NUP54: variants seen among roughly 807,000 people sequenced by gnomAD.
The protein encoded by NUP54 is nucleoporin p54.
Under a neutral mutation model 66.4 loss-of-function variants are expected in NUP54, and 27 were observed. The ratio of observed to expected loss-of-function variants is 0.41; its 90% CI spans 0.30 to 0.56. NUP54 has a LOEUF of 0.56. Among genes scored for constraint, NUP54 ranks in the 20% least tolerant of loss-of-function variants. The probability of loss-of-function intolerance (pLI) is 0.34; values close to 1 mark genes in which losing one functional copy is unlikely to be tolerated. For synonymous variants in NUP54, 206 were observed against 210.7 expected (o/e 0.98, Z 0.19); for missense variants, 486 against 596.3 (o/e 0.82, Z 1.93).
chr4:76,142,623 GAATAAGTT>G (rs112449400), intron 3 of NUP54, among the ~76,000 whole-genome samples: 14 of 152,266 alleles, frequency 9.2e-5, no homozygotes, highest in African/African-American at 3.4e-4. Context: ...GTTCTTGTGA[GAATAAGTT>G]AATCCATACA....
chr4:76,143,796 G>A (rs942747334), intron 3 of NUP54, among the ~76,000 whole-genome samples: 2 of 152,156 alleles, frequency 1.3e-5, no homozygotes, highest in African/African-American at 4.8e-5. Context: ...CTTCTGAACT[G>A]GCTGGCCAGG....
intron 9 of NUP54, 142 bp from the exon 10 acceptor site, chr4:76,118,336 TTCTG>T (rs1730049946): frequency 5.5e-6 from 4 of 722,726 alleles, no homozygotes; most frequent in South Asian, 5.4e-5. Context: ...TGAATTATGT[TTCTG>T]TCCATTTTAA....
chr4:76,128,985 C>G (rs58728245), intron 8 of NUP54, among the ~76,000 whole-genome samples: 20,019 of 152,120 alleles, frequency 0.13, 1,543 homozygotes, highest in East Asian at 0.35. Context: ...AAAAGTACAG[C>G]TGGATAGGAG....
At chr4:76,119,928 TATCA>T (rs1444426449) in intron 9 of NUP54, among the ~76,000 whole-genome samples, 6 of 152,116 alleles carry the variant, frequency 3.9e-5, no homozygotes, top group Admixed American at 6.5e-5. Context: ...AAAATTTTAT[TATCA>T]ATATTAACCA....
rs1056566872 is a variant in NUP54, at chr4:76,147,448, A to G, written c.67+860T>C. On this transcript the variant is annotated intron_variant, in intron 1 of 11. Coordinates refer to ENST00000264883, the MANE Select transcript of NUP54 (RefSeq NM_017426.4). ...ATATTCTTGGACTCCAGCTCCCAAC[A>G]CTGGTTACACATACAACCCGCAGTA... 4 of 1,279,720 alleles carry G rather than the reference A, an allele frequency of 3.1e-6. No homozygotes were observed. The African/African-American group carries it at 6.1e-5, about 19-fold the overall frequency. The allele number at this position is 1,279,720 out of a possible 1,614,324, so 79.3% of individuals were successfully genotyped here.
chr4:76,132,222 T>G (rs113876697), intron 6 of NUP54: 15 of 188,604 alleles, frequency 8.0e-5, no homozygotes, highest in African/African-American at 3.3e-4. Flanking sequence ...TAAAATGAGA[T>G]AAGCTAGAAA....
intron 1 of NUP54, chr4:76,147,791 G>A (rs959928821): frequency 2.2e-6 from 1 of 463,940 alleles, no homozygotes; most frequent in East Asian, 7.1e-5. Context: ...AAAGCAGAGT[G>A]GGGGTGGGGT....
At chr4:76,132,782 C>T (rs1335112867) in intron 5 of NUP54, 63 bp from the exon 6 acceptor site, 1 of 1,171,998 alleles carries the variant, frequency 8.5e-7, no homozygotes, top group Non-Finnish European at 1.2e-6. Flanking sequence ...CAAACCTCAG[C>T]ATATCATAGC....
In NUP54 at chr4:76,124,630, GGA is replaced by G. The variant is rs1730380644; in HGVS notation, c.1164+17_1164+18del. The G allele has an allele frequency of 1.7e-6, 2 of 1,200,440 alleles. No individual in the cohort carries two copies. The highest frequency in any genetic ancestry group is 2.5e-5 in the South Asian group (2 of 80,032). 74.4% of individuals were successfully genotyped at this position (1,200,440 alleles called of 1,614,324 possible). On this transcript the variant is annotated intron_variant, in intron 9 of 11. Coordinates refer to ENST00000264883, the MANE Select transcript of NUP54 (RefSeq NM_017426.4). ...CACATAGTCTTATAAACACTGGGGG[GGA>G]AAATCCAAATTACTACCTGTAAAGT...
intron 8 of NUP54, among the ~76,000 whole-genome samples, chr4:76,125,791 GA>G (rs1730498941): frequency 2.7e-5 from 1 of 36,982 alleles, no homozygotes; most frequent in African/African-American, 9.3e-5. Context: ...GAGGGGGAGA[GA>G]GGGAGAGGGA....
chr4:76,123,452 A>G (rs2109862170), intron 9 of NUP54, among the ~76,000 whole-genome samples: 1 of 152,292 alleles, frequency 6.6e-6, no homozygotes, highest in Admixed American at 6.5e-5. Flanking sequence ...AGAAAAATCA[A>G]AATAAAACTT....
At position 76,115,507 on chromosome 4, in the gene NUP54, A is replaced by G; in HGVS notation, c.1396-13T>C. The G allele has an allele frequency of 6.3e-7, 1 of 1,583,536 alleles. No homozygotes were observed. The highest frequency in any genetic ancestry group is 8.6e-7 in the Non-Finnish European group (1 of 1,168,656). The stretch of plus-strand genomic sequence containing the variant: ...GTTGTTTCAAATGCTAGAACAAATT[A>G]AGAAACAACATATTAATGTATTAAT... On this transcript the variant is annotated splice_polypyrimidine_tract_variant and intron_variant, in intron 11 of 11. Coordinates refer to ENST00000264883, the MANE Select transcript of NUP54 (RefSeq NM_017426.4).
chr4:76,145,317 CA>C (rs58518890), intron 1 of NUP54, among the ~76,000 whole-genome samples: 13,817 of 101,374 alleles, frequency 0.14, 529 homozygotes, highest in East Asian at 0.28. Context: ...GACTCCGTCT[CA>C]AAAAAAAAAA....
intron 3 of NUP54, among the ~76,000 whole-genome samples, chr4:76,140,091 T>C (rs1021724648): frequency 6.6e-6 from 1 of 152,052 alleles, no homozygotes; most frequent in Non-Finnish European, 1.5e-5. Flanking sequence ...GTTACTTAAA[T>C]GTGGATGAGA....
chr4:76,144,561 A>G, intron 1 of NUP54, 88 bp from the exon 2 acceptor site: 2 of 956,000 alleles, frequency 2.1e-6, no homozygotes, highest in South Asian at 4.2e-5. Flanking sequence ...TAATTGCTAC[A>G]TATAAAATCA....
In NUP54 at chr4:76,136,180, T is replaced by A; in HGVS notation, c.522+6A>T. The A allele has an allele frequency of 6.3e-7, 1 of 1,592,534 alleles. No individual in the cohort carries two copies. The highest frequency in any genetic ancestry group is 8.6e-7 in the Non-Finnish European group (1 of 1,160,460). On this transcript the variant is annotated splice_donor_region_variant and intron_variant, in intron 4 of 11. Coordinates refer to ENST00000264883, the MANE Select transcript of NUP54 (RefSeq NM_017426.4). ...CAACTGAAGATAAAAATAGTATTAA[T>A]AATACCTTAAATCGGCAAAAGGGAT...
chr4:76,126,500 A>C (rs1445334602), intron 8 of NUP54, among the ~76,000 whole-genome samples: 1 of 152,218 alleles, frequency 6.6e-6, no homozygotes, highest in Non-Finnish European at 1.5e-5. Context: ...AAACCTAGGC[A>C]ATCTCCCCAT....
intron 3 of NUP54, among the ~76,000 whole-genome samples, chr4:76,140,898 G>T (rs1731241048): frequency 6.6e-6 from 1 of 152,178 alleles, no homozygotes; most frequent in South Asian, 2.1e-4. Context: ...ATTGGCAAGA[G>T]ATATAGAAAT....
intron 9 of NUP54, among the ~76,000 whole-genome samples, chr4:76,121,042 G>C (rs1189648086): frequency 6.6e-6 from 1 of 152,134 alleles, no homozygotes; most frequent in Non-Finnish European, 1.5e-5. Context: ...TTGGTTTATA[G>C]TTTCTAGCTT....
Sources: gnomAD v4.1 joint callset for allele counts (sites outside exome capture counted in the v4.1 genomes callset) on GRCh38, gnomAD v4.1.1 for gene constraint, MANE v1.5 for transcripts, NCBI Gene and HGNC (gene_info 2026-07-23, HGNC 2026-07-21) for gene names.